Variants in SGIP1 observed in about 807,000 individuals in gnomAD.
SGIP1 encodes the protein SH3GL interacting endocytic adaptor 1, also known as SH3-containing GRB2-like protein 3-interacting protein 1.
SGIP1 carries 38 observed loss-of-function variants against 107.5 expected under a neutral mutation model. The observed-to-expected ratio is 0.35, with a 90% CI of 0.27 to 0.46. The LOEUF is 0.46. SGIP1 is among the 20% of genes least tolerant of loss of function. SGIP1 has a pLI of 1.00. For synonymous variants in SGIP1, 365 were observed against 366.1 expected (o/e 1.00, Z 0.03); for missense variants, 929 against 1,019.5 (o/e 0.91, Z 1.21).
Position 66,750,768 on chromosome 1 carries a change from G to A in SGIP1, c.*7673G>A, listed in dbSNP as rs992475713. ...TCAAGAGAAAACCAACAACGGAAGCGAAGACTTACTTGCTCCTTCACAGAA... is the reference window on the plus strand; with the variant it reads ...TCAAGAGAAAACCAACAACGGAAGCAAAGACTTACTTGCTCCTTCACAGAA... On this transcript the variant is annotated 3_prime_UTR_variant, in exon 25 of 25. Coordinates refer to ENST00000371037, the MANE Select transcript of SGIP1 (RefSeq NM_032291.4). Among the ~76,000 whole-genome samples the A allele has an allele frequency of 1.6e-3, 209 of 129,000 alleles. No homozygotes were observed. The highest frequency in any genetic ancestry group is 3.8e-3 in the Middle Eastern group (1 of 260). The allele number at this position is 129,000 out of a possible 152,430, so 84.6% of individuals were successfully genotyped here. A position where few individuals can be genotyped will look rare whatever the true frequency, so the allele number is the denominator to read the frequency against.
chr1:66,615,208 C>T (rs969119806), intron 1 of SGIP1, among the ~76,000 whole-genome samples: 1 of 152,140 alleles, frequency 6.6e-6, no homozygotes, highest in Non-Finnish European at 1.5e-5. Context: ...GAACTTGGCT[C>T]ACTGCAACCT....
intron 1 of SGIP1, among the ~76,000 whole-genome samples, chr1:66,578,354 C>T (rs749365654): frequency 1.9e-4 from 29 of 152,226 alleles, no homozygotes; most frequent in South Asian, 1.5e-3. Flanking sequence ...AGGTCCTATT[C>T]ATTAGGAGTT....
intron 2 of SGIP1, among the ~76,000 whole-genome samples, chr1:66,631,681 T>C (rs60334469): frequency 2.0e-3 from 258 of 132,190 alleles, no homozygotes; most frequent in Middle Eastern, 3.9e-3. Flanking sequence ...CTCTCTCTCT[T>C]TCTCTCTCTC....
intron 1 of SGIP1, among the ~76,000 whole-genome samples, chr1:66,561,664 A>G (rs2058967497): frequency 6.6e-6 from 1 of 152,036 alleles, no homozygotes; most frequent in African/African-American, 2.4e-5. Context: ...TAGGGTGCAA[A>G]GTAAAATACT....
Position 66,598,470 on chromosome 1 carries a change from G to GT in SGIP1, c.11-27376dup, listed in dbSNP as rs533786022. 5.2e-4 allele frequency among the ~76,000 whole-genome samples: 79 copies of GT among 152,258 alleles called. No homozygotes were observed. In the Middle Eastern group the frequency reaches 0.01, roughly 20 times the overall value. ...TCACACTTTCAACCTCTGGCCACGT[G>GT]TATTAGTTTGTTCTCATGTGCTATA... is the stretch of plus-strand genomic sequence containing the variant. On this transcript the variant is annotated intron_variant, in intron 1 of 24. Coordinates refer to ENST00000371037, the MANE Select transcript of SGIP1 (RefSeq NM_032291.4).
rs1017452223 is a variant in SGIP1, at chr1:66,747,527, A to C, written c.*4432A>C. Reference sequence around the variant, plus strand: ...AATGTCTTAAAAGACTTGAAGTAGAAGGGAAGTTGCAAGCTGTTATTTATT... The same window carrying C: ...AATGTCTTAAAAGACTTGAAGTAGACGGGAAGTTGCAAGCTGTTATTTATT... On this transcript the variant is annotated 3_prime_UTR_variant, in exon 25 of 25. Transcript: ENST00000371037. 1 of 152,032 alleles carries C rather than the reference A, an allele frequency of 6.6e-6. No individual in the cohort carries two copies. The highest frequency in any genetic ancestry group is 2.4e-5 in the African/African-American group (1 of 41,446). The allele number at this position is 152,032 out of a possible 1,614,324, so 9.4% of individuals were successfully genotyped here.
chr1:66,556,587 A>G (rs77419289), intron 1 of SGIP1, among the ~76,000 whole-genome samples: 8,526 of 152,136 alleles, frequency 0.056, 323 homozygotes, highest in Admixed American at 0.11. Context: ...CTTGCAAAGC[A>G]TGGCCTTGGA....
chr1:66,601,688 C>A (rs889334059), intron 1 of SGIP1, among the ~76,000 whole-genome samples: 1 of 151,974 alleles, frequency 6.6e-6, no homozygotes. Context: ...TACAGATACA[C>A]ATATAAAAAT....
chr1:66,726,099 A>G (rs1040514585), intron 19 of SGIP1, among the ~76,000 whole-genome samples: 1 of 152,200 alleles, frequency 6.6e-6, no homozygotes, highest in Admixed American at 6.5e-5. Flanking sequence ...CACTACATGC[A>G]CTGCAGGAGC....
intron 1 of SGIP1, among the ~76,000 whole-genome samples, chr1:66,555,671 G>T (rs1443457140): frequency 6.6e-6 from 1 of 152,100 alleles, no homozygotes; most frequent in African/African-American, 2.4e-5. Context: ...TCAGAGAATT[G>T]CTTTGTTTTC....
intron 9 of SGIP1, 104 bp downstream of exon 9, chr1:66,667,645 G>A: frequency 2.1e-6 from 2 of 962,970 alleles, no homozygotes; most frequent in Non-Finnish European, 1.7e-6. Flanking sequence ...AACCCAGTGT[G>A]AATGAGGCAG....
intron 18 of SGIP1, among the ~76,000 whole-genome samples, chr1:66,707,607 G>T (rs2092613689): frequency 6.6e-6 from 1 of 152,148 alleles, no homozygotes; most frequent in African/African-American, 2.4e-5. Context: ...ATGCATGTCA[G>T]TCATAACCTA....
At chr1:66,606,443 T>C (rs1195288489) in intron 1 of SGIP1, among the ~76,000 whole-genome samples, 2 of 152,186 alleles carry the variant, frequency 1.3e-5, no homozygotes, top group Non-Finnish European at 2.9e-5. Flanking sequence ...TATTCAGCTT[T>C]GAAAGCTGCA....
At chr1:66,619,273 AAGGC>A (rs1328279873) in intron 1 of SGIP1, among the ~76,000 whole-genome samples, 1 of 152,218 alleles carries the variant, frequency 6.6e-6, no homozygotes, top group East Asian at 1.9e-4. Context: ...AACAATTTTA[AAGGC>A]AGTACATTTA....
chr1:66,668,973 T>C (rs1388715412), intron 9 of SGIP1, among the ~76,000 whole-genome samples: 1 of 152,242 alleles, frequency 6.6e-6, no homozygotes, highest in Non-Finnish European at 1.5e-5. Context: ...TTTCTAGATA[T>C]GTCATGCTGC....
chr1:66,690,381 A>G, intron 17 of SGIP1, 65 bp downstream of exon 17: 1 of 1,595,764 alleles, frequency 6.3e-7, no homozygotes, highest in East Asian at 2.2e-5. Context: ...TATGATCTGA[A>G]ATCCCCAAGG....
intron 1 of SGIP1, among the ~76,000 whole-genome samples, chr1:66,591,480 T>C (rs2063609287): frequency 6.6e-6 from 1 of 152,150 alleles, no homozygotes; most frequent in East Asian, 1.9e-4. Context: ...CACAGCAAAA[T>C]TGAGCATAAA....
intron 1 of SGIP1, among the ~76,000 whole-genome samples, chr1:66,588,622 C>T (rs2063041413): frequency 1.4e-5 from 2 of 143,310 alleles, no homozygotes. Context: ...TAATTTTTCA[C>T]TCTTTCTAGT....
intron 21 of SGIP1, among the ~76,000 whole-genome samples, chr1:66,737,622 C>A (rs2094311940): frequency 6.6e-6 from 1 of 152,138 alleles, no homozygotes. Flanking sequence ...TGCTTAATAT[C>A]CCAGAACTTC....
Sources: allele counts gnomAD v4.1 joint callset (sites outside exome capture counted in the v4.1 genomes callset), GRCh38; gene constraint gnomAD v4.1.1; transcripts MANE v1.5; gene names NCBI Gene and HGNC (gene_info 2026-07-23, HGNC 2026-07-21).